Variants in MARK2 observed in about 807,000 individuals in gnomAD.
MARK2 encodes serine/threonine-protein kinase MARK2.
In MARK2, 16 loss-of-function variants were observed where a neutral mutation model predicts 89.8. The observed-to-expected ratio is 0.18, with a 90% CI of 0.12 to 0.27. The LOEUF (loss-of-function observed/expected upper bound fraction) is 0.27. MARK2 is among the 10% of genes least tolerant of loss of function. The pLI, the probability that MARK2 is intolerant of heterozygous loss-of-function variation, is 1.00. For missense variants in MARK2, 621 were observed against 1,049.9 expected (o/e 0.59, Z 5.65); for synonymous variants, 382 against 399.5 (o/e 0.96, Z 0.52).
intron 1 of MARK2, among the ~76,000 whole-genome samples, chr11:63,861,945 CGGTGTTTCGCTCTTGTTGCTCAG>C (rs1305175480): frequency 1.0e-4 from 11 of 109,194 alleles, no homozygotes; most frequent in Non-Finnish European, 2.0e-4. Context: ...TTTTTTGAGA[CGGTGTTTCGCTCTTGTTGCTCAG>C]GCTAGAGTGC....
At chr11:63,893,704 C>T (rs971875107) in intron 1 of MARK2, among the ~76,000 whole-genome samples, 4 of 152,180 alleles carry the variant, frequency 2.6e-5, no homozygotes, top group African/African-American at 9.7e-5. Context: ...AGCCAAAATG[C>T]TCCAAAATCT....
At chr11:63,839,666 G>A (rs2015904008) in intron 1 of MARK2, 106 bp downstream of exon 1, 5 of 740,100 alleles carry the variant, frequency 6.8e-6, no homozygotes, top group African/African-American at 1.8e-5. Flanking sequence ...CATCCTGCAA[G>A]CCTCGGCTGC....
At chr11:63,901,401 A>G (rs936495798) in intron 11 of MARK2, among the ~76,000 whole-genome samples, 1 of 125,550 alleles carries the variant, frequency 8.0e-6, no homozygotes, top group Non-Finnish European at 1.6e-5. Flanking sequence ...CTCTTTTTGT[A>G]TCTGGAAGTG....
At chr11:63,905,950 G>A (rs320116) in intron 16 of MARK2, 138 bp from the exon 17 acceptor site, 7 of 577,730 alleles carry the variant, frequency 1.2e-5, no homozygotes, top group Non-Finnish European at 1.6e-5. Context: ...CTCTAGTCTC[G>A]CTGAGCGGCT....
chr11:63,869,626 A>G (rs1433956064), intron 1 of MARK2, among the ~76,000 whole-genome samples: 3 of 152,030 alleles, frequency 2.0e-5, no homozygotes, highest in Admixed American at 6.5e-5. Context: ...CAGGGTTGTC[A>G]TGTTTCTGAG....
At position 63,899,869 on chromosome 11, in the gene MARK2, C is replaced by G. The variant is rs1029241841; in HGVS notation, c.532-5C>G. 1.2e-6 allele frequency: 2 copies of G among 1,606,046 alleles called. No homozygotes were observed. Among genetic ancestry groups the G allele is most frequent in the Non-Finnish European group, 1.7e-6 (2 of 1,172,860 alleles). On this transcript the variant is annotated splice_region_variant and splice_polypyrimidine_tract_variant and intron_variant, in intron 7 of 18. Transcript: ENST00000402010. ...TTCCCTGATGTTTTCCATCTTACCTCCCAGGCAGAAAACCTGCTCTTGGAT... is the reference window on the plus strand; with the variant it reads ...TTCCCTGATGTTTTCCATCTTACCTGCCAGGCAGAAAACCTGCTCTTGGAT...
chr11:63,902,135 C>T lies in MARK2; in HGVS notation c.1102-63C>T. 2 of 1,583,016 alleles carry T rather than the reference C, an allele frequency of 1.3e-6. No homozygotes were observed. Among genetic ancestry groups the T allele is most frequent in the Non-Finnish European group, 1.7e-6 (2 of 1,155,258 alleles). Reference sequence around the variant, plus strand: ...GAGAGGGCGGTATGTGTAAATGTGTCCATCCATAGGGATCTCCACATGACT... The same window carrying T: ...GAGAGGGCGGTATGTGTAAATGTGTTCATCCATAGGGATCTCCACATGACT... On this transcript the variant is annotated intron_variant, in intron 11 of 18. Transcript: ENST00000402010. This position sits in a 1 kb window ranked among gnomAD's most constrained non-coding sequence, Gnocchi z 4.2.
rs1300311550 is a variant in MARK2, at chr11:63,903,863, G to C, written c.1515-123G>C. On this transcript the variant is annotated intron_variant, in intron 14 of 18. Transcript: ENST00000402010. This position sits in a 1 kb window ranked among gnomAD's most constrained non-coding sequence, Gnocchi z 5.1. Reference sequence around the variant, plus strand: ...TGACTTGCATCCCGCTGCTGCCCAGGCCTGACTTCTACCCTGCCAGAGCTC... The same window carrying C: ...TGACTTGCATCCCGCTGCTGCCCAGCCCTGACTTCTACCCTGCCAGAGCTC... 3 of 719,442 alleles carry C rather than the reference G, an allele frequency of 4.2e-6. No homozygotes were observed. The highest frequency in any genetic ancestry group is 6.8e-6 in the Non-Finnish European group (3 of 444,304). 44.6% of individuals were successfully genotyped at this position (719,442 alleles called of 1,614,324 possible). A position where few individuals can be genotyped will look rare whatever the true frequency, so the allele number is the denominator to read the frequency against.
rs533394471 is a variant in MARK2 at position 63,900,869 on chromosome 11, C to G, written c.978C>G (p.Pro326=). Residue 326 remains proline (P), a synonymous_variant, in exon 10 of 19, where the codon CCC becomes CCG. Coordinates refer to ENST00000402010, the MANE Select transcript of MARK2 (RefSeq NM_001039469.3). This position sits in a 1 kb window ranked among gnomAD's most constrained non-coding sequence, Gnocchi z 4.7. ...YVEPLPDYKD[P]RRTELMVSMG... ...AGCCACTCCCTGACTACAAGGACCC[C>G]CGGCGGACAGGTGAGGCTGTGCCGG... is the stretch of plus-strand genomic sequence containing the variant. The G allele has an allele frequency of 1.4e-5, 23 of 1,614,178 alleles. No individual in the cohort carries two copies. In the East Asian group the frequency reaches 4.5e-4, roughly 31 times the overall value.
intron 1 of MARK2, among the ~76,000 whole-genome samples, chr11:63,889,138 G>A (rs1228904359): frequency 6.6e-6 from 1 of 152,114 alleles, no homozygotes; most frequent in East Asian, 1.9e-4. Flanking sequence ...AAGGAAGAGG[G>A]GGCACATACC....
intron 17 of MARK2, among the ~76,000 whole-genome samples, chr11:63,907,668 G>A (rs1306525361): frequency 6.6e-6 from 1 of 152,132 alleles, no homozygotes; most frequent in Non-Finnish European, 1.5e-5. Context: ...GGTCGGAGGA[G>A]GCCGCCTTTT....
At position 63,853,499 on chromosome 11, in the gene MARK2, G is replaced by A. The variant is rs568415847; in HGVS notation, c.54+13939G>A. 5.3e-5 allele frequency among the ~76,000 whole-genome samples: 8 copies of A among 152,220 alleles called. No homozygotes were observed. The South Asian group carries it at 6.2e-4, about 12-fold the overall frequency. Reference sequence around the variant, plus strand: ...ATGAGCAAATCTATAGATGTGGCTCGACTTGCTGTATCAGCACCAACTGCT... The same window carrying A: ...ATGAGCAAATCTATAGATGTGGCTCAACTTGCTGTATCAGCACCAACTGCT... On this transcript the variant is annotated intron_variant, in intron 1 of 18. Coordinates refer to ENST00000402010, the MANE Select transcript of MARK2 (RefSeq NM_001039469.3).
chr11:63,840,139 C>T (rs756404702), intron 1 of MARK2, among the ~76,000 whole-genome samples: 7 of 152,172 alleles, frequency 4.6e-5, no homozygotes, highest in Non-Finnish European at 1.0e-4. Flanking sequence ...CTCTTGCTTG[C>T]AACCCACCAG....
Position 63,902,433 on chromosome 11 carries a change from A to C in MARK2, c.1234+103A>C, listed in dbSNP as rs1034661291. The C allele has an allele frequency of 2.0e-6, 3 of 1,513,856 alleles. No homozygotes were observed. The highest frequency in any genetic ancestry group is 2.7e-5 in the African/African-American group (2 of 72,868). 93.8% of individuals were successfully genotyped at this position (1,513,856 alleles called of 1,614,324 possible). ...CACAACTAAGTTTCAGTCCTGGTTC[A>C]GCCACTTATTAGTAGTGTGGCTATG... is the stretch of plus-strand genomic sequence containing the variant. On this transcript the variant is annotated intron_variant, in intron 12 of 18. Coordinates refer to ENST00000402010, the MANE Select transcript of MARK2 (RefSeq NM_001039469.3). This position sits in a 1 kb window ranked among gnomAD's most constrained non-coding sequence, Gnocchi z 4.2.
chr11:63,898,334 C>T lies in MARK2; in HGVS notation c.337+54C>T. The T allele has an allele frequency of 3.3e-6, 5 of 1,525,146 alleles. No individual in the cohort carries two copies. In the South Asian group the frequency reaches 4.5e-5, roughly 14 times the overall value. The allele number at this position is 1,525,146 out of a possible 1,614,324, so 94.5% of individuals were successfully genotyped here. A position where few individuals can be genotyped will look rare whatever the true frequency, so the allele number is the denominator to read the frequency against. ...TTCCCCAACAGCAAGGCACTGCTTTCCAGCATGTCATCTTCTCCCCGAGGT... is the reference window on the plus strand; with the variant it reads ...TTCCCCAACAGCAAGGCACTGCTTTTCAGCATGTCATCTTCTCCCCGAGGT... On this transcript the variant is annotated intron_variant, in intron 4 of 18. Coordinates refer to ENST00000402010, the MANE Select transcript of MARK2 (RefSeq NM_001039469.3).
chr11:63,880,562 A>G (rs1337988786), intron 1 of MARK2, among the ~76,000 whole-genome samples: 2 of 152,186 alleles, frequency 1.3e-5, no homozygotes, highest in East Asian at 1.9e-4. Flanking sequence ...GCAAGACACA[A>G]TGGTTTTGAT....
intron 1 of MARK2, among the ~76,000 whole-genome samples, chr11:63,879,327 A>C (rs1205495692): frequency 6.6e-6 from 1 of 152,166 alleles, no homozygotes; most frequent in Non-Finnish European, 1.5e-5. Flanking sequence ...CATTTAAAAA[A>C]TCACATTTTG....
chr11:63,840,660 G>A (rs373588881), intron 1 of MARK2, among the ~76,000 whole-genome samples: 2 of 152,026 alleles, frequency 1.3e-5, no homozygotes, highest in East Asian at 3.9e-4. Context: ...CTTCCTTACT[G>A]TGCCTTTTAA....
intron 1 of MARK2, among the ~76,000 whole-genome samples, chr11:63,840,509 T>C (rs1447504772): frequency 6.6e-6 from 1 of 152,230 alleles, no homozygotes; most frequent in African/African-American, 2.4e-5. Flanking sequence ...CAGACCTCGC[T>C]GCATCACAGT....
Sources: allele counts gnomAD v4.1 joint callset (sites outside exome capture counted in the v4.1 genomes callset), GRCh38; gene constraint gnomAD v4.1.1; non-coding constraint Gnocchi (gnomAD v3.1); transcripts MANE v1.5; gene names NCBI Gene and HGNC (gene_info 2026-07-23, HGNC 2026-07-21).